SLC26A11: variants seen among roughly 807,000 people sequenced by gnomAD.
The protein encoded by SLC26A11 is solute carrier family 26 member 11, also known as sodium-independent sulfate anion transporter.
In SLC26A11, 58 loss-of-function variants were observed where a neutral mutation model predicts 62.2. The observed-to-expected ratio is 0.93, with a 90% CI of 0.76 to 1.16. The LOEUF is 1.16. SLC26A11 is among the 50% of genes most tolerant of loss of function. The pLI, the probability that SLC26A11 is intolerant of heterozygous loss-of-function variation, is 0.00. For synonymous variants in SLC26A11, 411 were observed against 368.9 expected, an observed-to-expected ratio of 1.11 and a Z score of -1.31; for missense variants, 790 against 794.3, an observed-to-expected ratio of 0.99 and a Z score of 0.06.
At chr17:80,221,367 T>G (rs1311051366) in intron 2 of SLC26A11, 181 bp from the exon 3 acceptor site, 1 of 529,756 alleles carries the variant, frequency 1.9e-6, no homozygotes, top group Non-Finnish European at 3.3e-6. Flanking sequence ...GGGTGGGCCT[T>G]CCAGTCTTGG....
chr17:80,243,964 C>T (rs902625991), intron 10 of SLC26A11, among the ~76,000 whole-genome samples: 3 of 152,200 alleles, frequency 2.0e-5, no homozygotes, highest in Non-Finnish European at 4.4e-5. Context: ...TGAGGATGAT[C>T]CCCTGCAGCC....
In SLC26A11 at chr17:80,246,463, G is replaced by A; in HGVS notation, c.1154-46G>A. ...AAGAGGCTGCTACGCTGCGTGCTGG[G>A]GGGACCCTGCACTCCCGAGGTCACC... On this transcript the variant is annotated intron_variant, in intron 12 of 17. Coordinates refer to ENST00000361193, the MANE Select transcript of SLC26A11 (RefSeq NM_001166347.2). The surrounding 1 kb of genome is among the most constrained non-coding windows in gnomAD (Gnocchi z 4.4). 1 of 1,602,496 alleles carries A rather than the reference G, an allele frequency of 6.2e-7. No individual in the cohort carries two copies. The highest frequency in any genetic ancestry group is 8.5e-7 in the Non-Finnish European group (1 of 1,179,422).
chr17:80,246,310 C>T lies in SLC26A11; in HGVS notation c.1153+101C>T. The T allele has an allele frequency of 1.4e-6, 2 of 1,475,202 alleles. No individual in the cohort carries two copies. The highest frequency in any genetic ancestry group is 2.6e-5 in the South Asian group (2 of 77,980). 91.4% of individuals were successfully genotyped at this position (1,475,202 alleles called of 1,614,324 possible). A position where few individuals can be genotyped will look rare whatever the true frequency, so the allele number is the denominator to read the frequency against. On this transcript the variant is annotated intron_variant, in intron 12 of 17. Transcript: ENST00000361193. The surrounding 1 kb of genome is among the most constrained non-coding windows in gnomAD (Gnocchi z 4.4). ...TCCCTTTGGCTCATGGGCCGTGCGCCCCGGGACTGCACAGGGACTTGGGGG... is the reference window on the plus strand; with the variant it reads ...TCCCTTTGGCTCATGGGCCGTGCGCTCCGGGACTGCACAGGGACTTGGGGG...
intron 7 of SLC26A11, among the ~76,000 whole-genome samples, chr17:80,230,703 T>C (rs1388385666): frequency 1.3e-5 from 2 of 152,186 alleles, no homozygotes; most frequent in African/African-American, 4.8e-5. Flanking sequence ...GAAAGGTCTT[T>C]TAAGATGTCT....
At chr17:80,233,634 G>T in intron 7 of SLC26A11, among the ~76,000 whole-genome samples, 1 of 145,430 alleles carries the variant, frequency 6.9e-6, no homozygotes, top group Non-Finnish European at 1.5e-5. Flanking sequence ...AGGCTGGAAT[G>T]CAGTGGTACA....
chr17:80,238,811 GTTTTTTTTGTTTTTTGTTTTTTT>G (rs1161635662), intron 9 of SLC26A11, among the ~76,000 whole-genome samples: 49 of 123,266 alleles, frequency 4.0e-4, no homozygotes, highest in African/African-American at 1.6e-3. Flanking sequence ...CTTCAAAGGA[GTTTTTTTTGTTTTTTGTTTTTTT>G]TTTTTTTTGG....
chr17:80,241,640 A>G (rs529405602), intron 9 of SLC26A11, 131 bp from the exon 10 acceptor site: 13 of 889,116 alleles, frequency 1.5e-5, no homozygotes, highest in Non-Finnish European at 2.4e-5. Context: ...TGAATATTTT[A>G]GATGTGTATT....
At position 80,223,166 on chromosome 17, in the gene SLC26A11, G is replaced by A. The variant is rs1436347120; in HGVS notation, c.428-86G>A. On this transcript the variant is annotated intron_variant, in intron 4 of 17. Coordinates refer to ENST00000361193, the MANE Select transcript of SLC26A11 (RefSeq NM_001166347.2). The surrounding 1 kb of genome is among the most constrained non-coding windows in gnomAD (Gnocchi z 4.6). ...TATCTGCTCCCCAATCCCACCCATT[G>A]CCACCTTCCCCAGCTCACATCTCCC... is the stretch of plus-strand genomic sequence containing the variant. The A allele has an allele frequency of 7.0e-6, 9 of 1,283,262 alleles. No homozygotes were observed. In the Admixed American group the frequency reaches 1.4e-4, roughly 21 times the overall value. The allele number at this position is 1,283,262 out of a possible 1,614,324, so 79.5% of individuals were successfully genotyped here.
At chr17:80,224,440 T>TGA (rs879586138) in intron 5 of SLC26A11, among the ~76,000 whole-genome samples, 7,316 of 111,190 alleles carry the variant, frequency 0.066, 588 homozygotes, top group African/African-American at 0.23. Context: ...GGTGTGGGTG[T>TGA]GAGAGTGTGA....
At chr17:80,224,602 G>A (rs2042353422) in intron 5 of SLC26A11, among the ~76,000 whole-genome samples, 1 of 152,136 alleles carries the variant, frequency 6.6e-6, no homozygotes, top group Non-Finnish European at 1.5e-5. Context: ...GAGAGAGGAG[G>A]GACCAACTTA....
chr17:80,242,773 A>G (rs958359732), intron 10 of SLC26A11, among the ~76,000 whole-genome samples: 3 of 152,056 alleles, frequency 2.0e-5, no homozygotes, highest in Non-Finnish European at 4.4e-5. Flanking sequence ...CAGTGGTACA[A>G]TCTCGGCTCA....
In SLC26A11 at chr17:80,229,552, C is replaced by T. The variant is rs147622983; in HGVS notation, c.736+1592C>T. 7.1e-3 allele frequency among the ~76,000 whole-genome samples: 1,073 copies of T among 152,092 alleles called. 16 individuals carry two copies. Among genetic ancestry groups the T allele is most frequent in the African/African-American group, 0.024 (979 of 41,500 alleles). Reference sequence around the variant, plus strand: ...TCAAGCAATTATCCCGCCTCAGCCTCGCGAGTAGCTGGGATTACAGGCGTG... The same window carrying T: ...TCAAGCAATTATCCCGCCTCAGCCTTGCGAGTAGCTGGGATTACAGGCGTG... On this transcript the variant is annotated intron_variant, in intron 7 of 17. Coordinates refer to ENST00000361193, the MANE Select transcript of SLC26A11 (RefSeq NM_001166347.2).
At chr17:80,224,362 G>GGT (rs1490846696) in intron 5 of SLC26A11, among the ~76,000 whole-genome samples, 6 of 108,046 alleles carry the variant, frequency 5.6e-5, no homozygotes, top group Non-Finnish European at 9.2e-5. Context: ...TGGGTGTGAG[G>GGT]GAGTGTGAGT....
rs756148308 is a variant in SLC26A11 at position 80,246,537 on chromosome 17, C to A, written c.1182C>A (p.Tyr394Ter). 1.1e-5 allele frequency: 18 copies of A among 1,613,042 alleles called. No homozygotes were observed. The highest frequency in any genetic ancestry group is 1.5e-5 in the Non-Finnish European group (18 of 1,180,026). Reference protein sequence around the residue: ...TGVLVLLSLDYLTSLFYYIPK... With the variant: ...TGVLVLLSLD The stretch of plus-strand genomic sequence containing the variant: ...TGCTGGTGCTGCTGTCTCTGGACTA[C>A]CTGACCTCACTGTTCTACTACATCC... Residue 394 changes from tyrosine (Y) to a stop codon, truncating the protein, a stop_gained, in exon 13 of 18, where the codon TAC (tyrosine) becomes TAA (stop). Transcript: ENST00000361193. LOFTEE classifies it high-confidence loss of function. The surrounding 1 kb of genome is among the most constrained non-coding windows in gnomAD (Gnocchi z 4.4).
rs2043153097 is a variant in SLC26A11 at position 80,251,421 on chromosome 17, C to T, written c.1729+20C>T. On this transcript the variant is annotated intron_variant, in intron 17 of 17. Transcript: ENST00000361193. Reference sequence around the variant, plus strand: ...AAGCAGGTGGGCACAGTCAGACATCCTGTGGCTTTGGTGATTTTGTAAAAA... The same window carrying T: ...AAGCAGGTGGGCACAGTCAGACATCTTGTGGCTTTGGTGATTTTGTAAAAA... 2 of 1,612,964 alleles carry T rather than the reference C, an allele frequency of 1.2e-6. No homozygotes were observed. The highest frequency in any genetic ancestry group is 1.1e-5 in the South Asian group (1 of 90,924).
intron 6 of SLC26A11, among the ~76,000 whole-genome samples, chr17:80,226,954 C>T (rs1185511146): frequency 2.0e-5 from 3 of 152,282 alleles, no homozygotes; most frequent in African/African-American, 7.2e-5. Context: ...AGCTGGAAGC[C>T]AGTGGGTTCT....
At chr17:80,249,609 A>C (rs183110742) in intron 16 of SLC26A11, among the ~76,000 whole-genome samples, 1 of 152,206 alleles carries the variant, frequency 6.6e-6, no homozygotes, top group Non-Finnish European at 1.5e-5. Context: ...TTAGGAAACA[A>C]AAAGAGACAG....
intron 16 of SLC26A11, among the ~76,000 whole-genome samples, chr17:80,249,628 A>G (rs2043105852): frequency 6.6e-6 from 1 of 152,190 alleles, no homozygotes; most frequent in Non-Finnish European, 1.5e-5. Context: ...AGGTGAGGCT[A>G]GGCGTGGTGG....
chr17:80,223,097 A>G lies in SLC26A11; in HGVS notation c.428-155A>G. The G allele has an allele frequency of 1.3e-6, 1 of 785,106 alleles. No homozygotes were observed. The highest frequency in any genetic ancestry group is 2.7e-5 in the East Asian group (1 of 37,318). 48.6% of individuals were successfully genotyped at this position (785,106 alleles called of 1,614,324 possible). On this transcript the variant is annotated intron_variant, in intron 4 of 17. Coordinates refer to ENST00000361193, the MANE Select transcript of SLC26A11 (RefSeq NM_001166347.2). The surrounding 1 kb of genome is among the most constrained non-coding windows in gnomAD (Gnocchi z 4.6). ...CCCAGTCTCCCTTTTCTGCTCTCCA[A>G]AAACAGCCAAACAGGGTGTGTTACC...
Sources: allele counts gnomAD v4.1 joint callset (sites outside exome capture counted in the v4.1 genomes callset), GRCh38; gene constraint gnomAD v4.1.1; non-coding constraint Gnocchi (gnomAD v3.1); transcripts MANE v1.5; gene names NCBI Gene and HGNC (gene_info 2026-07-23, HGNC 2026-07-21).